Variants in MSR1 observed in about 807,000 individuals in gnomAD.
MSR1 encodes macrophage scavenger receptor types I and II.
A neutral mutation model predicts 47.2 loss-of-function variants in MSR1; 53 were observed. That is an observed-to-expected ratio of 1.12 (90% CI 0.90 to 1.41). MSR1 has a LOEUF of 1.41. Among genes scored for constraint, MSR1 ranks in the 40% most tolerant of loss-of-function variants. MSR1 has a pLI of 0.00. For missense variants in MSR1, 786 were observed against 546.9 expected, an observed-to-expected ratio of 1.44 and a Z score of -4.36; for synonymous variants, 239 against 185.6, an observed-to-expected ratio of 1.29 and a Z score of -2.34.
chr8:16,177,804 G>A (rs1211394999), intron 2 of MSR1, 82 bp downstream of exon 2: 1 of 1,065,576 alleles, frequency 9.4e-7, no homozygotes, highest in Middle Eastern at 2.0e-4. Context: ...TACATTTAAG[G>A]TAAGTCTCAA....
chr8:16,179,658 T>C (rs1392408378), intron 1 of MSR1, among the ~76,000 whole-genome samples: 1 of 152,012 alleles, frequency 6.6e-6, no homozygotes, highest in Non-Finnish European at 1.5e-5. Context: ...GATGGGTGAA[T>C]CACCTGAGGT....
At chr8:16,129,489 T>C (rs999243858) in intron 8 of MSR1, among the ~76,000 whole-genome samples, 4 of 152,108 alleles carry the variant, frequency 2.6e-5, no homozygotes, top group African/African-American at 7.2e-5. Context: ...CTTATGTCTG[T>C]AACCCCAGCA....
intron 8 of MSR1, among the ~76,000 whole-genome samples, chr8:16,131,129 C>T (rs144555269): frequency 8.4e-4 from 128 of 152,208 alleles, no homozygotes; most frequent in African/African-American, 3.0e-3. Context: ...TCTCCACGAA[C>T]TCGTCACCAC....
chr8:16,182,781 T>C lies in MSR1; in HGVS notation c.-4-4789A>G, dbSNP rs547342289. The stretch of plus-strand genomic sequence containing the variant: ...CTTCCAGAATACCTCCTAAAGGACA[T>C]ACCTGAGGCTGCTTTATGGTTGAAT... On this transcript the variant is annotated intron_variant, in intron 1 of 9. Coordinates refer to ENST00000262101, the MANE Select transcript of MSR1 (RefSeq NM_138715.3). Among the ~76,000 whole-genome samples, 6 of 152,288 alleles carry C rather than the reference T, an allele frequency of 3.9e-5. No individual in the cohort carries two copies. The South Asian group carries it at 1.2e-3, about 32-fold the overall frequency.
chr8:16,128,170 T>C (rs1236396240), intron 8 of MSR1, among the ~76,000 whole-genome samples: 1 of 152,146 alleles, frequency 6.6e-6, no homozygotes, highest in Non-Finnish European at 1.5e-5. Flanking sequence ...GAATTCATCC[T>C]GAAACAGTTC....
intron 8 of MSR1, chr8:16,140,821 CA>C: frequency 3.9e-6 from 6 of 1,539,152 alleles, no homozygotes; most frequent in Non-Finnish European, 5.2e-6. Context: ...AGCAGAGGCC[CA>C]AACAGCACCA....
At chr8:16,175,930 AC>A (rs1364354560) in intron 2 of MSR1, among the ~76,000 whole-genome samples, 1 of 152,162 alleles carries the variant, frequency 6.6e-6, no homozygotes, top group Admixed American at 6.5e-5. Context: ...AATAACAGTA[AC>A]CTTTTATTCA....
intron 7 of MSR1, among the ~76,000 whole-genome samples, chr8:16,149,162 A>C (rs915168815): frequency 6.6e-6 from 1 of 152,088 alleles, no homozygotes; most frequent in Non-Finnish European, 1.5e-5. Flanking sequence ...AAGAGTGGCC[A>C]CTAATGTACA....
chr8:16,191,072 G>C (rs549111259), intron 1 of MSR1, among the ~76,000 whole-genome samples: 2 of 152,208 alleles, frequency 1.3e-5, no homozygotes, highest in Admixed American at 1.3e-4. Flanking sequence ...TAAATAATAA[G>C]CTTGTGATCC....
intron 8 of MSR1, chr8:16,140,453 T>G: frequency 1.0e-6 from 1 of 986,554 alleles, no homozygotes; most frequent in Non-Finnish European, 1.2e-6. Context: ...TACTTAAAAT[T>G]TACACCCTAG....
At chr8:16,167,728 C>A (rs1398548128) in intron 4 of MSR1, among the ~76,000 whole-genome samples, 2 of 152,150 alleles carry the variant, frequency 1.3e-5, no homozygotes, top group African/African-American at 4.8e-5. Flanking sequence ...ATTCTTCTTT[C>A]CCCTCAACTT....
chr8:16,145,933 T>C (rs1295276278), intron 7 of MSR1, among the ~76,000 whole-genome samples: 1 of 152,122 alleles, frequency 6.6e-6, no homozygotes, highest in Non-Finnish European at 1.5e-5. Flanking sequence ...TATTACTCTT[T>C]AATAAAAAGT....
At chr8:16,162,740 T>G (rs1172606332) in intron 5 of MSR1, among the ~76,000 whole-genome samples, 1 of 151,764 alleles carries the variant, frequency 6.6e-6, no homozygotes, top group African/African-American at 2.4e-5. Context: ...AAGGTTAGAG[T>G]GGGTTAACTT....
chr8:16,166,034 G>A (rs1181922121), intron 4 of MSR1, among the ~76,000 whole-genome samples: 1 of 152,018 alleles, frequency 6.6e-6, no homozygotes, highest in Non-Finnish European at 1.5e-5. Context: ...AAAAATTGCT[G>A]CAAGTATGTC....
intron 8 of MSR1, among the ~76,000 whole-genome samples, chr8:16,143,264 T>G (rs1444849650): frequency 6.6e-6 from 1 of 152,116 alleles, no homozygotes; most frequent in East Asian, 1.9e-4. Context: ...TTTCCCTTAG[T>G]GGATAGAAAT....
chr8:16,133,862 C>G (rs1800322435), intron 8 of MSR1, among the ~76,000 whole-genome samples: 1 of 152,162 alleles, frequency 6.6e-6, no homozygotes, highest in Non-Finnish European at 1.5e-5. Flanking sequence ...TGGCACCCAT[C>G]TAGAAAAAAC....
At chr8:16,191,832 T>A (rs1387209729) in intron 1 of MSR1, among the ~76,000 whole-genome samples, 1 of 152,208 alleles carries the variant, frequency 6.6e-6, no homozygotes, top group African/African-American at 2.4e-5. Flanking sequence ...GTGTGAATCT[T>A]ACTTAGTCTT....
At chr8:16,134,294 T>C (rs1800336949) in intron 8 of MSR1, among the ~76,000 whole-genome samples, 1 of 152,126 alleles carries the variant, frequency 6.6e-6, no homozygotes, top group Non-Finnish European at 1.5e-5. Context: ...TTCAGACATG[T>C]TATAATAAGC....
chr8:16,124,438 A>C (rs1800082089), intron 8 of MSR1, among the ~76,000 whole-genome samples: 1 of 152,190 alleles, frequency 6.6e-6, no homozygotes, highest in South Asian at 2.1e-4. Flanking sequence ...TGTGGAATAA[A>C]TAAGGTCATG....
Sources: gnomAD v4.1 joint callset for allele counts (sites outside exome capture counted in the v4.1 genomes callset) on GRCh38, gnomAD v4.1.1 for gene constraint, MANE v1.5 for transcripts, NCBI Gene and HGNC (gene_info 2026-07-23, HGNC 2026-07-21) for gene names.